CSMD1: variants seen among roughly 807,000 people sequenced by gnomAD.
The protein encoded by CSMD1 is CUB and sushi domain-containing protein 1.
A neutral mutation model predicts 417.5 loss-of-function variants in CSMD1; 213 were observed. The observed-to-expected ratio is 0.51, with a 90% CI of 0.46 to 0.57. The LOEUF (loss-of-function observed/expected upper bound fraction) is 0.57, where lower values mean the gene tolerates loss of function less well. Among genes scored for constraint, CSMD1 ranks in the 20% least tolerant of loss-of-function variants. The pLI is 0.00. For synonymous variants in CSMD1, 2,862 were observed against 1,736.8 expected, an observed-to-expected ratio of 1.65 and a Z score of -16.11; for missense variants, 6,923 against 4,529.7, an observed-to-expected ratio of 1.53 and a Z score of -15.17.
chr8:3,999,785 A>C (rs757771692), intron 4 of CSMD1, among the ~76,000 whole-genome samples: 2 of 152,188 alleles, frequency 1.3e-5, no homozygotes, highest in Non-Finnish European at 2.9e-5. Context: ...AGTATGAACG[A>C]AATCAAGACT....
intron 37 of CSMD1, among the ~76,000 whole-genome samples, chr8:3,166,234 A>G (rs1820204898): frequency 6.6e-6 from 1 of 152,186 alleles, no homozygotes; most frequent in East Asian, 1.9e-4. Flanking sequence ...AATTCTTATC[A>G]CATCATGTCT....
intron 4 of CSMD1, among the ~76,000 whole-genome samples, chr8:4,029,197 G>T (rs980525847): frequency 6.6e-6 from 1 of 151,290 alleles, no homozygotes; most frequent in Non-Finnish European, 1.5e-5. Context: ...ATCCTACAAC[G>T]AGAGGTGATG....
chr8:3,808,014 A>C (rs895514052), intron 5 of CSMD1, among the ~76,000 whole-genome samples: 1 of 152,162 alleles, frequency 6.6e-6, no homozygotes, highest in African/African-American at 2.4e-5. Context: ...AAGTCGTCTC[A>C]TTCTTGAGCT....
intron 41 of CSMD1, chr8:3,127,820 A>C (rs928770080): frequency 2.6e-5 from 4 of 151,912 alleles, no homozygotes; most frequent in Non-Finnish European, 5.9e-5. Flanking sequence ...TATAACACAG[A>C]AAAGAAAGAG....
intron 2 of CSMD1, among the ~76,000 whole-genome samples, chr8:4,566,523 G>A (rs983776336): frequency 6.6e-6 from 1 of 151,552 alleles, no homozygotes; most frequent in Non-Finnish European, 1.5e-5. Flanking sequence ...CGTGGTGGCG[G>A]GCGCCTGCAG....
chr8:4,554,911 A>T (rs1798023032), intron 2 of CSMD1, among the ~76,000 whole-genome samples: 1 of 152,108 alleles, frequency 6.6e-6, no homozygotes, highest in Non-Finnish European at 1.5e-5. Context: ...TGGATGTGGG[A>T]TGCTGTCTTC....
chr8:4,569,331 C>G (rs201081658), intron 2 of CSMD1, among the ~76,000 whole-genome samples: 1 of 152,002 alleles, frequency 6.6e-6, no homozygotes, highest in Non-Finnish European at 1.5e-5. Flanking sequence ...TAAGGTGTAA[C>G]GAAGTGATCC....
Position 3,088,988 on chromosome 8 carries a change from G to A in CSMD1, c.7286-1703C>T, listed in dbSNP as rs111387695. 2.6e-4 allele frequency among the ~76,000 whole-genome samples: 40 copies of A among 152,206 alleles called. 2 individuals are homozygous for A. Among genetic ancestry groups the A allele is most frequent in the African/African-American group, 7.9e-4 (33 of 41,554 alleles). Reference sequence around the variant, plus strand: ...ACTCTACAGATTCCAATAAGGCTCCGTTTTCTTTTACTGTGTTTCTTCTCT... The same window carrying A: ...ACTCTACAGATTCCAATAAGGCTCCATTTTCTTTTACTGTGTTTCTTCTCT... On this transcript the variant is annotated intron_variant, in intron 48 of 69. Coordinates refer to ENST00000635120, the MANE Select transcript of CSMD1 (RefSeq NM_033225.6).
intron 54 of CSMD1, among the ~76,000 whole-genome samples, chr8:2,996,979 G>A (rs756153241): frequency 6.6e-6 from 1 of 152,222 alleles, no homozygotes; most frequent in Non-Finnish European, 1.5e-5. Context: ...ACCTGGGGCT[G>A]ACCAATGTCC....
rs1563361588 is a variant in CSMD1 at position 3,411,881 on chromosome 8, TAC to T, written c.1562-2278_1562-2277del. 2.0e-5 allele frequency among the ~76,000 whole-genome samples: 2 copies of T among 101,734 alleles called. 1 individual carries two copies. The highest frequency in any genetic ancestry group is 7.6e-4 in the East Asian group (2 of 2,632). The allele number at this position is 101,734 out of a possible 152,430, so 66.7% of individuals were successfully genotyped here. The stretch of plus-strand genomic sequence containing the variant: ...ATGCACGTATATATGCACGTATATA[TAC>T]ACGTATATATGCACGTATATATACA... On this transcript the variant is annotated intron_variant, in intron 12 of 69. Transcript: ENST00000635120.
intron 1 of CSMD1, among the ~76,000 whole-genome samples, chr8:4,909,709 G>A (rs1461973677): frequency 6.6e-6 from 1 of 152,138 alleles, no homozygotes. Context: ...GCTTCCAGCA[G>A]CTCATGAAAG....
chr8:4,898,141 A>G (rs1804625460), intron 1 of CSMD1, among the ~76,000 whole-genome samples: 1 of 152,110 alleles, frequency 6.6e-6, no homozygotes, highest in South Asian at 2.1e-4. Context: ...ATATATGTGT[A>G]TATCCTCTGC....
intron 8 of CSMD1, among the ~76,000 whole-genome samples, chr8:3,605,892 A>G (rs565195959): frequency 4.6e-5 from 7 of 152,306 alleles, no homozygotes; most frequent in African/African-American, 1.4e-4. Context: ...TTAGCAGACT[A>G]TTAATGAGGT....
At chr8:3,609,947 G>A (rs1046571622) in intron 8 of CSMD1, among the ~76,000 whole-genome samples, 9 of 150,164 alleles carry the variant, frequency 6.0e-5, no homozygotes, top group Admixed American at 4.0e-4. Flanking sequence ...GACTACGGGC[G>A]CACACCAACA....
At chr8:3,199,841 A>G (rs1181978742) in intron 32 of CSMD1, 32 bp from the exon 33 acceptor site, 2 of 1,375,688 alleles carry the variant, frequency 1.5e-6, no homozygotes, top group Non-Finnish European at 2.0e-6. Flanking sequence ...GATTCAGAAA[A>G]CACACAGCAC....
chr8:2,973,241 AC>A lies in CSMD1; in HGVS notation c.8798del (p.Gly2933ValfsTer20). ...GAAGACTCTTTGTCTTAAAGTCATC[AC>A]CAAGCCGAGACCCATGTGCTGGGGT... Reference protein sequence around the residue: ...PGTPAHGSRLGDDFKTKSLLR... With the variant: ...PGTPAHGSRLXDDFKTKSLLR... On this transcript the variant is annotated frameshift_variant, in exon 57 of 70. Coordinates refer to ENST00000635120, the MANE Select transcript of CSMD1 (RefSeq NM_033225.6). LOFTEE classifies it high-confidence loss of function. 6.2e-7 allele frequency: 1 copy of A among 1,613,954 alleles called. No homozygotes were observed. Among genetic ancestry groups the A allele is most frequent in the Non-Finnish European group, 8.5e-7 (1 of 1,179,856 alleles).
chr8:4,886,984 C>G (rs1368164478), intron 1 of CSMD1, among the ~76,000 whole-genome samples: 1 of 152,004 alleles, frequency 6.6e-6, no homozygotes, highest in Non-Finnish European at 1.5e-5. Flanking sequence ...TCATTTTCTG[C>G]TCAACTCTTA....
At chr8:4,195,594 A>T (rs549240949) in intron 3 of CSMD1, among the ~76,000 whole-genome samples, 1 of 152,126 alleles carries the variant, frequency 6.6e-6, no homozygotes, top group African/African-American at 2.4e-5. Context: ...TGTCACTGTC[A>T]TGACTGTGTG....
chr8:3,269,044 C>G (rs1231721431), intron 26 of CSMD1, among the ~76,000 whole-genome samples: 1 of 152,204 alleles, frequency 6.6e-6, no homozygotes, highest in Non-Finnish European at 1.5e-5. Flanking sequence ...TGTAATCAAT[C>G]TCGCTAATGT....
Sources: gnomAD v4.1 joint callset for allele counts (sites outside exome capture counted in the v4.1 genomes callset) on GRCh38, gnomAD v4.1.1 for gene constraint, MANE v1.5 for transcripts, NCBI Gene and HGNC (gene_info 2026-07-23, HGNC 2026-07-21) for gene names.